The following METTL5 variants were observed in gnomAD, a reference collection of about 807,000 sequenced individuals.
METTL5 encodes methyltransferase 5, N6-adenosine, also known as rRNA N(6)-adenosine-methyltransferase METTL5.
METTL5 carries 28 observed loss-of-function variants against 26.5 expected under a neutral mutation model. The observed-to-expected ratio is 1.06, with a 90% CI of 0.78 to 1.45. The LOEUF (loss-of-function observed/expected upper bound fraction) is 1.45, where lower values mean the gene tolerates loss of function less well. METTL5 is among the 40% of genes most tolerant of loss of function. The probability of loss-of-function intolerance (pLI) is 0.00; values close to 1 mark genes in which losing one functional copy is unlikely to be tolerated. For missense variants in METTL5, 231 were observed against 249.9 expected (o/e 0.92, Z 0.51); for synonymous variants, 86 against 82.6 (o/e 1.04, Z -0.22).
intron 4 of METTL5, 77 bp from the exon 5 acceptor site, chr2:169,815,605 AGATT>A (rs1286022288): frequency 9.3e-7 from 1 of 1,076,684 alleles, no homozygotes; most frequent in Non-Finnish European, 1.3e-6. Context: ...CTAATACTTG[AGATT>A]GAGTTTTTAA....
At position 169,821,165 on chromosome 2, in the gene METTL5, T is replaced by C. The variant is rs202008154; in HGVS notation, c.333A>G (p.Leu111=). ...ATGACTTGGACATTCTGTTAGATAATAAGCACACATCACATTGAACCATGT... is the reference window on the plus strand; with the variant it reads ...ATGACTTGGACATTCTGTTAGATAACAAGCACACATCACATTGAACCATGT... ...NIDMVQCDVC[L]LSNRMSKSFD... Residue 111 remains leucine, a synonymous_variant, in exon 3 of 7, where the codon TTA becomes TTG. Transcript: ENST00000260953. The C allele has an allele frequency of 1.1e-5, 18 of 1,612,658 alleles. 1 individual carries two copies. In the Middle Eastern group the frequency reaches 1.3e-3, roughly 118 times the overall value.
In METTL5 at chr2:169,812,606, T is replaced by C. The variant is rs1690010810; in HGVS notation, c.542-100A>G. 4.5e-6 allele frequency: 6 copies of C among 1,325,978 alleles called. No individual in the cohort carries two copies. In the Admixed American group the frequency reaches 1.3e-4, roughly 28 times the overall value. The allele number at this position is 1,325,978 out of a possible 1,614,324, so 82.1% of individuals were successfully genotyped here. ...AACAAAAACTAAGAAAAGTGTTAAG[T>C]GCTGGTAAGCTGAACATTTTAGAAC... On this transcript the variant is annotated intron_variant, in intron 5 of 6. Transcript: ENST00000260953.
rs375473569 is a variant in METTL5 at position 169,824,606 on chromosome 2, A to G, written c.-9T>C. ...AGCCTTACTTTCTTCATTTTGTTTT[A>G]AAGTATGGACTCGTAGGGTTTGAAG... On this transcript the variant is annotated 5_prime_UTR_variant, in exon 1 of 7. Transcript: ENST00000260953. 6.9e-6 allele frequency: 11 copies of G among 1,602,324 alleles called. No individual in the cohort carries two copies. In the African/African-American group the frequency reaches 8.0e-5, roughly 12 times the overall value.
At chr2:169,811,948 AT>A in intron 6 of METTL5, 90 bp from the exon 7 acceptor site, 12 of 1,383,990 alleles carry the variant, frequency 8.7e-6, no homozygotes, top group Non-Finnish European at 1.2e-5. Context: ...TGTTTGTGTT[AT>A]TTCAGATGAT....
At chr2:169,823,309 TA>T (rs1353294683) in intron 1 of METTL5, among the ~76,000 whole-genome samples, 2 of 152,192 alleles carry the variant, frequency 1.3e-5, no homozygotes, top group African/African-American at 2.4e-5. Context: ...TGGATTCCAC[TA>T]AAAAAACCTA....
intron 6 of METTL5, 191 bp downstream of exon 6, chr2:169,812,266 G>GTCTC (rs1558974549): frequency 1.2e-6 from 1 of 849,474 alleles, no homozygotes; most frequent in African/African-American, 1.7e-5. Context: ...TCGAGACTGA[G>GTCTC]TCTCACTCTT....
chr2:169,811,775 T>C lies in METTL5; in HGVS notation c.*45A>G. On this transcript the variant is annotated 3_prime_UTR_variant, in exon 7 of 7. Coordinates refer to ENST00000260953, the MANE Select transcript of METTL5 (RefSeq NM_014168.4). Reference sequence around the variant, plus strand: ...CCAGTAGTTTAGTAAACCAATTTTTTATTCATTTTAAATAGGTTTTAAACG... The same window carrying C: ...CCAGTAGTTTAGTAAACCAATTTTTCATTCATTTTAAATAGGTTTTAAACG... 7 of 1,613,096 alleles carry C rather than the reference T, an allele frequency of 4.3e-6. No individual in the cohort carries two copies. The highest frequency in any genetic ancestry group is 5.9e-6 in the Non-Finnish European group (7 of 1,179,660).
chr2:169,812,550 C>T (rs770686095), intron 5 of METTL5, 44 bp from the exon 6 acceptor site: 19 of 1,593,142 alleles, frequency 1.2e-5, no homozygotes, highest in Admixed American at 5.2e-5. Context: ...TATTTCCAAG[C>T]GTTTACCACC....
In METTL5 at chr2:169,812,107, G is replaced by GTTT. The variant is rs1689982615; in HGVS notation, c.592-250_592-249insAAA. Reference sequence around the variant, plus strand: ...TTTCTTTTTGTACCCAAAGCATTTAGGAAAGAACTAGAATATTAGCTATTG... The same window carrying GTTT: ...TTTCTTTTTGTACCCAAAGCATTTAGTTTGAAAGAACTAGAATATTAGCTATTG... On this transcript the variant is annotated intron_variant, in intron 6 of 6. Transcript: ENST00000260953. The GTTT allele has an allele frequency of 1.0e-5, 6 of 575,972 alleles. No individual in the cohort carries two copies. In the South Asian group the frequency reaches 1.2e-4, roughly 11 times the overall value. 35.7% of individuals were successfully genotyped at this position (575,972 alleles called of 1,614,324 possible).
At chr2:169,820,925 T>C (rs1292161983) in intron 3 of METTL5, among the ~76,000 whole-genome samples, 167 bp downstream of exon 3, 1 of 152,080 alleles carries the variant, frequency 6.6e-6, no homozygotes, top group Non-Finnish European at 1.5e-5. Flanking sequence ...AGGCAGGGTC[T>C]AACTATGTTG....
chr2:169,823,416 C>T (rs1298101577), intron 1 of METTL5, among the ~76,000 whole-genome samples: 1 of 152,228 alleles, frequency 6.6e-6, no homozygotes, highest in African/African-American at 2.4e-5. Context: ...ATGACAGTAT[C>T]TTGGAGTTAA....
intron 1 of METTL5, among the ~76,000 whole-genome samples, chr2:169,823,897 T>A (rs919363501): frequency 7.9e-5 from 12 of 152,236 alleles, no homozygotes; most frequent in African/African-American, 2.9e-4. Context: ...TGTTGTCCTG[T>A]ATTCTCTCTT....
At position 169,824,506 on chromosome 2, in the gene METTL5, G is replaced by C. The variant is rs1403474755; in HGVS notation, c.92C>G (p.Thr31Ser). ...KPKLLLEQYP[T>S]RPHIAACMLY... ...CGCCCTACCTGCAATGTGCGGCCTG[G>C]TAGGATACTGTTCCAGAAGTAGCTT... Residue 31 changes from threonine (T) to serine (S), a missense_variant, in exon 1 of 7, where the codon ACC (threonine) becomes AGC (serine). By Grantham distance (58) the Thr-to-Ser change is moderately conservative. Transcript: ENST00000260953. The C allele has an allele frequency of 5.6e-6, 9 of 1,614,100 alleles. No homozygotes were observed. Among genetic ancestry groups the C allele is most frequent in the Non-Finnish European group, 7.6e-6 (9 of 1,179,946 alleles).
At position 169,821,250 on chromosome 2, in the gene METTL5, T is replaced by C. The variant is rs1427415782; in HGVS notation, c.248A>G (p.Asp83Gly). 6.8e-6 allele frequency: 11 copies of C among 1,609,160 alleles called. No individual in the cohort carries two copies. Among genetic ancestry groups the C allele is most frequent in the Non-Finnish European group, 9.3e-6 (11 of 1,178,406 alleles). Residue 83 changes from aspartate (D) to glycine (G), a missense_variant, in exon 3 of 7, where the codon GAT (aspartate) becomes GGT (glycine). Coordinates refer to ENST00000260953, the MANE Select transcript of METTL5 (RefSeq NM_014168.4). ...GAGLCVGFDI[D>G]EDALEIFNRN... ...ATTAAATATTTCCAATGCGTCTTCATCTATGTCAAATCCAACACACAACCT... is the reference window on the plus strand; with the variant it reads ...ATTAAATATTTCCAATGCGTCTTCACCTATGTCAAATCCAACACACAACCT...
chr2:169,812,100 G>A lies in METTL5; in HGVS notation c.592-242C>T, dbSNP rs1689982435. 12 of 583,128 alleles carry A rather than the reference G, an allele frequency of 2.1e-5. No homozygotes were observed. The South Asian group carries it at 2.8e-4, about 14-fold the overall frequency. The allele number at this position is 583,128 out of a possible 1,614,324, so 36.1% of individuals were successfully genotyped here. On this transcript the variant is annotated intron_variant, in intron 6 of 6. Transcript: ENST00000260953. ...TTTTTTTTTTCTTTTTGTACCCAAA[G>A]CATTTAGGAAAGAACTAGAATATTA...
chr2:169,823,653 C>T (rs116416855), intron 1 of METTL5, among the ~76,000 whole-genome samples: 3,976 of 152,128 alleles, frequency 0.026, 79 homozygotes, highest in Non-Finnish European at 0.04. Context: ...GACGCTGTCT[C>T]TACAAAAAAT....
At position 169,824,674 on chromosome 2, in the gene METTL5, T is replaced by G. The variant is rs549799527; in HGVS notation, c.-77A>C. ...AAATCTATTGAACTGGGATCTTGTT[T>G]CCTCCCTACCCCCAACCTTCTCCCT... On this transcript the variant is annotated 5_prime_UTR_variant, in exon 1 of 7. Coordinates refer to ENST00000260953, the MANE Select transcript of METTL5 (RefSeq NM_014168.4). The G allele has an allele frequency of 4.2e-6, 5 of 1,179,780 alleles. No individual in the cohort carries two copies. The South Asian group carries it at 6.1e-5, about 14-fold the overall frequency. The allele number at this position is 1,179,780 out of a possible 1,614,324, so 73.1% of individuals were successfully genotyped here.
At chr2:169,812,432 G>C in intron 6 of METTL5, 25 bp downstream of exon 6, 1 of 1,613,828 alleles carries the variant, frequency 6.2e-7, no homozygotes, top group Non-Finnish European at 8.5e-7. Context: ...ACCGAATGTA[G>C]ACCAGCCAAA....
intron 1 of METTL5, 53 bp downstream of exon 1, chr2:169,824,436 G>T: frequency 7.8e-7 from 1 of 1,286,328 alleles, no homozygotes; most frequent in Non-Finnish European, 1.1e-6. Flanking sequence ...TTTTATCACA[G>T]AGTAGACTGG....
Sources: gnomAD v4.1 joint callset for allele counts (sites outside exome capture counted in the v4.1 genomes callset) on GRCh38, gnomAD v4.1.1 for gene constraint, MANE v1.5 for transcripts, NCBI Gene and HGNC (gene_info 2026-07-23, HGNC 2026-07-21) for gene names.